Variants in ST3GAL3 observed in about 807,000 individuals in gnomAD.
ST3GAL3 encodes CMP-N-acetylneuraminate-beta-1,4-galactoside alpha-2,3-sialyltransferase.
In ST3GAL3, 21 loss-of-function variants were observed where a neutral mutation model predicts 50.1. That is an observed-to-expected ratio of 0.42 (90% CI 0.30 to 0.60). The LOEUF (loss-of-function observed/expected upper bound fraction) is 0.60, where lower values mean the gene tolerates loss of function less well. Among genes scored for constraint, ST3GAL3 ranks in the 20% least tolerant of loss-of-function variants. The pLI, the probability that ST3GAL3 is intolerant of heterozygous loss-of-function variation, is 0.19. For missense variants in ST3GAL3, 353 were observed against 489.4 expected, an observed-to-expected ratio of 0.72 and a Z score of 2.63; for synonymous variants, 183 against 190.0, an observed-to-expected ratio of 0.96 and a Z score of 0.30.
At chr1:43,834,103 G>A (rs1019242577) in intron 4 of ST3GAL3, among the ~76,000 whole-genome samples, 6 of 152,186 alleles carry the variant, frequency 3.9e-5, no homozygotes, top group African/African-American at 1.4e-4. Flanking sequence ...GGAGGTTGCA[G>A]TGAGCCGAGA....
At chr1:43,791,233 C>A (rs1489694187) in intron 2 of ST3GAL3, among the ~76,000 whole-genome samples, 1 of 152,170 alleles carries the variant, frequency 6.6e-6, no homozygotes, top group Non-Finnish European at 1.5e-5. Flanking sequence ...ATAACACTTT[C>A]TTTTTTTCTC....
intron 3 of ST3GAL3, among the ~76,000 whole-genome samples, chr1:43,793,480 C>G (rs918007194): frequency 1.3e-5 from 2 of 152,146 alleles, no homozygotes; most frequent in African/African-American, 4.8e-5. Flanking sequence ...CTTACAACAG[C>G]TTTGATATCT....
intron 9 of ST3GAL3, among the ~76,000 whole-genome samples, chr1:43,908,138 A>C (rs2080132411): frequency 6.6e-6 from 1 of 152,192 alleles, no homozygotes; most frequent in Non-Finnish European, 1.5e-5. Flanking sequence ...AAGCATCCTG[A>C]TTCCACCATT....
chr1:43,900,885 G>A (rs761177730), intron 9 of ST3GAL3: 1 of 152,312 alleles, frequency 6.6e-6, no homozygotes, highest in African/African-American at 2.4e-5. Flanking sequence ...GACTGGATGA[G>A]ACACCTGGGC....
chr1:43,894,191 C>T (rs934498167), intron 5 of ST3GAL3, 192 bp from the exon 6 acceptor site: 2 of 650,498 alleles, frequency 3.1e-6, no homozygotes, highest in Middle Eastern at 4.0e-4. Context: ...CTCCCTCAGA[C>T]TCAGGCTCCA....
At chr1:43,881,782 C>T (rs1047208797) in intron 5 of ST3GAL3, among the ~76,000 whole-genome samples, 3 of 151,012 alleles carry the variant, frequency 2.0e-5, no homozygotes, top group Non-Finnish European at 4.4e-5. Context: ...GGCAGTATTT[C>T]AGAATGGGGG....
chr1:43,857,499 C>CCTT (rs1553396789), intron 5 of ST3GAL3, among the ~76,000 whole-genome samples: 31 of 133,926 alleles, frequency 2.3e-4, no homozygotes, highest in African/African-American at 7.9e-4. Context: ...TTCCTTCCTT[C>CCTT]CCTCTTCCTT....
intron 1 of ST3GAL3, among the ~76,000 whole-genome samples, chr1:43,714,039 G>A (rs982030956): frequency 1.3e-5 from 2 of 152,016 alleles, no homozygotes. Flanking sequence ...CGAGGTGGGT[G>A]GATTATCTGA....
chr1:43,714,403 C>A (rs1666295956), intron 1 of ST3GAL3, among the ~76,000 whole-genome samples: 1 of 132,100 alleles, frequency 7.6e-6, no homozygotes, highest in East Asian at 2.2e-4. Flanking sequence ...GCCTGGGCAA[C>A]ACGGTGAAAC....
chr1:43,921,102 C>A (rs1366197477), intron 11 of ST3GAL3, among the ~76,000 whole-genome samples, 174 bp downstream of exon 11: 2 of 152,128 alleles, frequency 1.3e-5, no homozygotes, highest in Admixed American at 1.3e-4. Context: ...CCAGGGCCTT[C>A]TCCCTGAACT....
intron 9 of ST3GAL3, among the ~76,000 whole-genome samples, chr1:43,900,191 CT>C (rs1345969019): frequency 6.6e-6 from 1 of 152,232 alleles, no homozygotes; most frequent in Non-Finnish European, 1.5e-5. Context: ...TCCCTGCCCT[CT>C]TTCTCAGCCT....
chr1:43,829,593 C>T (rs1326649764), intron 4 of ST3GAL3, among the ~76,000 whole-genome samples: 1 of 152,186 alleles, frequency 6.6e-6, no homozygotes, highest in African/African-American at 2.4e-5. Context: ...AGGCTTTGTT[C>T]TGTCAGTACT....
intron 5 of ST3GAL3, among the ~76,000 whole-genome samples, chr1:43,870,380 G>T (rs954466771): frequency 1.2e-4 from 19 of 152,234 alleles, no homozygotes; most frequent in Non-Finnish European, 4.4e-5. Context: ...TGCTTAGGCC[G>T]CCAGGCCGTC....
At chr1:43,817,366 C>A (rs2061369540) in intron 4 of ST3GAL3, among the ~76,000 whole-genome samples, 1 of 84,320 alleles carries the variant, frequency 1.2e-5, no homozygotes. Context: ...CTTCTTCCTT[C>A]TTCTCCTTCT....
At chr1:43,917,450 AATATATAATATATATAATATATAAT>A (rs1557531989) in intron 9 of ST3GAL3, among the ~76,000 whole-genome samples, 3 of 23,420 alleles carry the variant, frequency 1.3e-4, no homozygotes, top group Admixed American at 8.2e-4. Flanking sequence ...TATAATATAT[AATATATAATATATATAATATATAAT>A]ATATATAATA....
intron 5 of ST3GAL3, among the ~76,000 whole-genome samples, chr1:43,878,305 A>T (rs887746611): frequency 2.0e-5 from 3 of 152,210 alleles, no homozygotes; most frequent in Admixed American, 6.5e-5. Flanking sequence ...TTACTTTAGG[A>T]AGTGTACATC....
chr1:43,877,824 G>A (rs747091860), intron 5 of ST3GAL3, among the ~76,000 whole-genome samples: 1 of 152,218 alleles, frequency 6.6e-6, no homozygotes, highest in African/African-American at 2.4e-5. Context: ...CTTCCCTGAA[G>A]GTAGAGGGTC....
At chr1:43,861,051 A>G (rs1335741684) in intron 5 of ST3GAL3, among the ~76,000 whole-genome samples, 1 of 152,210 alleles carries the variant, frequency 6.6e-6, no homozygotes, top group Non-Finnish European at 1.5e-5. Context: ...CCAGGTTCAC[A>G]GCATCTCCTT....
At chr1:43,807,245 C>T (rs996190899) in intron 3 of ST3GAL3, among the ~76,000 whole-genome samples, 1 of 151,618 alleles carries the variant, frequency 6.6e-6, no homozygotes, top group Admixed American at 6.6e-5. Flanking sequence ...GGTGAAACCC[C>T]ATCTCTATTA....
Sources: allele counts gnomAD v4.1 joint callset (sites outside exome capture counted in the v4.1 genomes callset), GRCh38; gene constraint gnomAD v4.1.1; transcripts MANE v1.5; gene names NCBI Gene and HGNC (gene_info 2026-07-23, HGNC 2026-07-21).